The following DPF3 variants were observed in gnomAD, a reference collection of about 807,000 sequenced individuals.
DPF3 encodes double PHD fingers 3.
In DPF3, 18 loss-of-function variants were observed where a neutral mutation model predicts 56.8. The observed-to-expected ratio is 0.32, with a 90% CI of 0.22 to 0.47. The LOEUF (loss-of-function observed/expected upper bound fraction) is 0.47, where lower values mean the gene tolerates loss of function less well. DPF3 is among the 20% of genes least tolerant of loss of function. The pLI, the probability that DPF3 is intolerant of heterozygous loss-of-function variation, is 1.00. For missense variants in DPF3, 403 were observed against 488.8 expected (o/e 0.82, Z 1.65); for synonymous variants, 188 against 180.2 (o/e 1.04, Z -0.35).
At chr14:72,743,573 G>C (rs1890212499) in intron 3 of DPF3, among the ~76,000 whole-genome samples, 1 of 146,578 alleles carries the variant, frequency 6.8e-6, no homozygotes, top group Admixed American at 6.9e-5. Context: ...GTAAAAGTTT[G>C]TTCCCAGCCT....
intron 1 of DPF3, among the ~76,000 whole-genome samples, chr14:72,890,643 C>A (rs1334832246): frequency 6.6e-6 from 1 of 152,104 alleles, no homozygotes; most frequent in African/African-American, 2.4e-5. Context: ...GGCCTTATCT[C>A]GCTTGTATAT....
chr14:72,837,729 C>G (rs1285603229), intron 1 of DPF3, among the ~76,000 whole-genome samples: 1 of 151,972 alleles, frequency 6.6e-6, no homozygotes, highest in Non-Finnish European at 1.5e-5. Context: ...CAGAGCAAGA[C>G]TCCATCTCGA....
At position 72,742,731 on chromosome 14, in the gene DPF3, G is replaced by A. The variant is rs1599401332; in HGVS notation, c.301+10533C>T. On this transcript the variant is annotated intron_variant, in intron 3 of 10. Transcript: ENST00000556509. ...AAGCCTGGAGACTATTAAAATGTGG[G>A]CCATGTACAAAAGCAGTAGGGAACT... is the stretch of plus-strand genomic sequence containing the variant. 2 of 152,578 alleles carry A rather than the reference G, an allele frequency of 1.3e-5. 1 individual carries two copies. Among genetic ancestry groups the A allele is most frequent in the South Asian group, 4.1e-4 (2 of 4,832 alleles). 9.5% of individuals were successfully genotyped at this position (152,578 alleles called of 1,614,324 possible). A position where few individuals can be genotyped will look rare whatever the true frequency, so the allele number is the denominator to read the frequency against.
intron 1 of DPF3, among the ~76,000 whole-genome samples, chr14:72,833,291 G>A (rs1351678903): frequency 1.3e-5 from 2 of 152,192 alleles, no homozygotes; most frequent in Admixed American, 6.5e-5. Context: ...CCCAGATGAC[G>A]TCTAGCTTGG....
chr14:72,674,724 G>C (rs768183285), intron 7 of DPF3, among the ~76,000 whole-genome samples: 2 of 152,220 alleles, frequency 1.3e-5, no homozygotes, highest in African/African-American at 2.4e-5. Flanking sequence ...CAGGCCCCAG[G>C]CATCAGATGG....
chr14:72,893,970 T>C, intron 1 of DPF3, 87 bp downstream of exon 1: 1 of 1,528,034 alleles, frequency 6.5e-7, no homozygotes, highest in South Asian at 1.2e-5. Context: ...GCAAGCGCAA[T>C]GCTCTGGCAG....
rs372087804 is a variant in DPF3 at position 72,875,496 on chromosome 14, T to A, written c.32+18561A>T. Among the ~76,000 whole-genome samples the A allele has an allele frequency of 8.5e-4, 129 of 152,256 alleles. 3 individuals are homozygous for A. The South Asian group carries it at 0.026, about 30-fold the overall frequency. ...CCAACAACCCCATAAAGACAAAAAC[T>A]ATTAGTCCTACTTTACATATGAGGA... On this transcript the variant is annotated intron_variant, in intron 1 of 10. Transcript: ENST00000556509.
At chr14:72,661,135 C>G in intron 8 of DPF3, 1 of 985,442 alleles carries the variant, frequency 1.0e-6, no homozygotes, top group East Asian at 1.1e-4. Context: ...CACAGTTCTA[C>G]ACAGGTTGTC....
intron 3 of DPF3, among the ~76,000 whole-genome samples, chr14:72,739,812 T>C (rs1204190676): frequency 1.3e-5 from 2 of 152,170 alleles, no homozygotes; most frequent in African/African-American, 4.8e-5. Flanking sequence ...GCACCTACTA[T>C]GTATCGACTC....
At chr14:72,805,927 C>A (rs73302202) in intron 1 of DPF3, 5,540 of 152,222 alleles carry the variant, frequency 0.036, 331 homozygotes, top group African/African-American at 0.13. Context: ...AGGGCTCTCT[C>A]TAATGGGGAC....
chr14:72,852,756 G>A (rs12434800), intron 1 of DPF3, among the ~76,000 whole-genome samples: 11,160 of 152,190 alleles, frequency 0.073, 637 homozygotes, highest in South Asian at 0.18. Context: ...CTTACACACC[G>A]ATTTCTACAT....
intron 3 of DPF3, among the ~76,000 whole-genome samples, chr14:72,739,982 AAGG>A (rs1438945016): frequency 6.6e-6 from 1 of 152,156 alleles, no homozygotes; most frequent in Non-Finnish European, 1.5e-5. Context: ...AAACAGAGCC[AAGG>A]AGGAGAAGTT....
chr14:72,863,111 T>C (rs1885512674), intron 1 of DPF3, among the ~76,000 whole-genome samples: 1 of 140,002 alleles, frequency 7.1e-6, no homozygotes, highest in African/African-American at 2.8e-5. Context: ...TGTGTGTGTA[T>C]ACATATATGT....
intron 8 of DPF3, among the ~76,000 whole-genome samples, chr14:72,654,965 A>C (rs149005169): frequency 4.6e-5 from 7 of 152,308 alleles, no homozygotes; most frequent in East Asian, 3.9e-4. Context: ...AGTCTACTTT[A>C]ACTAAAGAAG....
intron 7 of DPF3, among the ~76,000 whole-genome samples, chr14:72,684,919 G>C (rs571268582): frequency 5.9e-5 from 9 of 152,150 alleles, no homozygotes; most frequent in Non-Finnish European, 1.2e-4. Flanking sequence ...ACACCAAAGA[G>C]CTTGTTTCTC....
chr14:72,843,354 A>G (rs530714867), intron 1 of DPF3, among the ~76,000 whole-genome samples: 5 of 152,284 alleles, frequency 3.3e-5, no homozygotes, highest in Admixed American at 2.6e-4. Context: ...TTCCCTTAAA[A>G]AAAAACTTGT....
chr14:72,732,825 C>T (rs1889720083), intron 3 of DPF3, among the ~76,000 whole-genome samples: 1 of 151,968 alleles, frequency 6.6e-6, no homozygotes, highest in Non-Finnish European at 1.5e-5. Flanking sequence ...TTCTTTCCTT[C>T]CCTCCTTTCT....
rs1012207435 is a variant in DPF3, at chr14:72,618,343, T to C, written c.*954A>G. ...GGTTTCTCAAAGCTGCAGCCCCCTG[T>C]ATCCAGCATTCGGACACATGATTGG... On this transcript the variant is annotated 3_prime_UTR_variant, in exon 11 of 11. Transcript: ENST00000556509. 9.2e-5 allele frequency among the ~76,000 whole-genome samples: 14 copies of C among 152,196 alleles called. No homozygotes were observed. Among genetic ancestry groups the C allele is most frequent in the African/African-American group, 3.4e-4 (14 of 41,452 alleles).
chr14:72,838,625 G>C (rs60388720), intron 1 of DPF3, among the ~76,000 whole-genome samples: 1 of 151,756 alleles, frequency 6.6e-6, no homozygotes, highest in Non-Finnish European at 1.5e-5. Flanking sequence ...GGGAGGCCGA[G>C]GTGGCGGTGT....
Sources: gnomAD v4.1 joint callset for allele counts (sites outside exome capture counted in the v4.1 genomes callset) on GRCh38, gnomAD v4.1.1 for gene constraint, MANE v1.5 for transcripts, NCBI Gene and HGNC (gene_info 2026-07-23, HGNC 2026-07-21) for gene names.